MTARC2: variants seen among roughly 807,000 people sequenced by gnomAD.
MTARC2 encodes MOCO sulphurase C-terminal domain containing 2.
A neutral mutation model predicts 35.6 loss-of-function variants in MTARC2; 27 were observed. The observed-to-expected ratio is 0.76, with a 90% CI of 0.56 to 1.04. MTARC2 has a LOEUF of 1.04. Ranked by LOEUF, MTARC2 falls within the 50% of genes least tolerant of loss-of-function variation. The pLI is 0.00. For missense variants in MTARC2, 412 were observed against 432.5 expected, an observed-to-expected ratio of 0.95 and a Z score of 0.42; for synonymous variants, 158 against 167.1, an observed-to-expected ratio of 0.95 and a Z score of 0.42.
chr1:220,778,730 CAG>C (rs768872600), intron 4 of MTARC2, among the ~76,000 whole-genome samples: 1 of 152,144 alleles, frequency 6.6e-6, no homozygotes, highest in Non-Finnish European at 1.5e-5. Flanking sequence ...ACTTGAAAAA[CAG>C]AGGTGCAAGA....
At chr1:220,781,203 T>C (rs1373375949) in intron 6 of MTARC2, among the ~76,000 whole-genome samples, 1 of 152,182 alleles carries the variant, frequency 6.6e-6, no homozygotes, top group Non-Finnish European at 1.5e-5. Context: ...TTCTATTTTG[T>C]TTTTGATTTT....
chr1:220,748,488 G>A lies in MTARC2; in HGVS notation c.-44G>A, dbSNP rs529763488. The A allele has an allele frequency of 4.4e-4, 600 of 1,351,716 alleles. 4 individuals are homozygous for A. In the African/African-American group the frequency reaches 8.1e-3, roughly 18 times the overall value. 83.7% of individuals were successfully genotyped at this position (1,351,716 alleles called of 1,614,324 possible). On this transcript the variant is annotated 5_prime_UTR_variant, in exon 1 of 8. Transcript: ENST00000366913. ...CTCCTCGTCCTCCCGGTCTCCGGTCGCTGCCGGGTCTGTGCGCCGGTCCGC... is the reference window on the plus strand; with the variant it reads ...CTCCTCGTCCTCCCGGTCTCCGGTCACTGCCGGGTCTGTGCGCCGGTCCGC...
rs570096335 is a variant in MTARC2, at chr1:220,758,914, C to T, written c.447-2744C>T. Among the ~76,000 whole-genome samples the T allele has an allele frequency of 3.9e-5, 6 of 152,022 alleles. No homozygotes were observed. In the South Asian group the frequency reaches 1.2e-3, roughly 32 times the overall value. ...AAGAGGACCTGGTATACAGTAAGCA[C>T]TTAACTGGATATTAGGTCTTAAATA... On this transcript the variant is annotated intron_variant, in intron 2 of 7. Transcript: ENST00000366913.
At chr1:220,775,114 G>A (rs1239692699) in intron 4 of MTARC2, among the ~76,000 whole-genome samples, 1 of 152,146 alleles carries the variant, frequency 6.6e-6, no homozygotes. Flanking sequence ...GTTTCAAACA[G>A]ACAAACACCC....
intron 4 of MTARC2, among the ~76,000 whole-genome samples, chr1:220,773,411 C>G (rs12034691): frequency 0.024 from 3,612 of 152,330 alleles, 107 homozygotes; most frequent in African/African-American, 0.064. Context: ...CTGTTCCTGA[C>G]TTGCGTCCTT....
chr1:220,748,459 G>A lies in MTARC2; in HGVS notation c.-73G>A, dbSNP rs978377972. On this transcript the variant is annotated 5_prime_UTR_variant, in exon 1 of 8. Transcript: ENST00000366913. ...TCCTCTCGCCTGCCCGGATCCTTAA[G>A]GGCCTCCTCGTCCTCCCGGTCTCCG... 7.6e-7 allele frequency: 1 copy of A among 1,321,332 alleles called. No individual in the cohort carries two copies. Among genetic ancestry groups the A allele is most frequent in the Non-Finnish European group, 9.6e-7 (1 of 1,039,698 alleles). The allele number at this position is 1,321,332 out of a possible 1,614,324, so 81.9% of individuals were successfully genotyped here.
chr1:220,781,319 A>G lies in MTARC2; in HGVS notation c.885-459A>G, dbSNP rs72472402. On this transcript the variant is annotated intron_variant, in intron 6 of 7. Transcript: ENST00000366913. ...TGCAGTAGTCCAGACCCATCTGCCA[A>G]CTTCATGTCTGTCTGAATTTTTGTT... is the stretch of plus-strand genomic sequence containing the variant. Among the ~76,000 whole-genome samples the G allele has an allele frequency of 7.5e-3, 1,149 of 152,296 alleles. 19 individuals are homozygous for G. Among genetic ancestry groups the G allele is most frequent in the African/African-American group, 0.027 (1,105 of 41,550 alleles).
At position 220,761,515 on chromosome 1, in the gene MTARC2, C is replaced by T. The variant is rs1401169843; in HGVS notation, c.447-143C>T. ...GCACACTCTACTCCTTTCTCTTGCA[C>T]TTCTGCCCAGCTTTGACCCAGGGAC... On this transcript the variant is annotated intron_variant, in intron 2 of 7. Transcript: ENST00000366913. 3.0e-5 allele frequency: 21 copies of T among 697,766 alleles called. No homozygotes were observed. The South Asian group carries it at 4.4e-4, about 14-fold the overall frequency. The allele number at this position is 697,766 out of a possible 1,614,324, so 43.2% of individuals were successfully genotyped here. A position where few individuals can be genotyped will look rare whatever the true frequency, so the allele number is the denominator to read the frequency against.
intron 4 of MTARC2, 107 bp downstream of exon 4, chr1:220,763,157 T>TTCACTCATTGCTGCTGCCA (rs1213283134): frequency 9.9e-5 from 145 of 1,462,536 alleles, no homozygotes; most frequent in Admixed American, 1.6e-4. Flanking sequence ...GGTCCAGTCA[T>TTCACTCATTGCTGCTGCCA]TCACTCATTG....
chr1:220,769,188 G>T (rs1015673260), intron 4 of MTARC2, among the ~76,000 whole-genome samples: 12 of 152,232 alleles, frequency 7.9e-5, no homozygotes, highest in African/African-American at 2.4e-4. Context: ...GTGAAAGATG[G>T]CGCAGCCAAG....
chr1:220,779,519 G>C (rs1672006944), intron 4 of MTARC2, among the ~76,000 whole-genome samples: 1 of 152,230 alleles, frequency 6.6e-6, no homozygotes, highest in Admixed American at 6.5e-5. Flanking sequence ...GCAAGGCACA[G>C]TCAGTGGCAG....
intron 7 of MTARC2, among the ~76,000 whole-genome samples, chr1:220,782,713 C>T (rs934556015): frequency 4.6e-5 from 7 of 152,170 alleles, no homozygotes; most frequent in Non-Finnish European, 5.9e-5. Flanking sequence ...CAACCTGACC[C>T]TCCTTAAGGA....
chr1:220,749,934 TC>T (rs1237041679), intron 1 of MTARC2, among the ~76,000 whole-genome samples: 1 of 152,148 alleles, frequency 6.6e-6, no homozygotes, highest in Non-Finnish European at 1.5e-5. Flanking sequence ...TTGGAAAACT[TC>T]AGAGAGTCTT....
intron 2 of MTARC2, among the ~76,000 whole-genome samples, chr1:220,761,269 G>T (rs1039806122): frequency 1.3e-5 from 2 of 152,218 alleles, no homozygotes; most frequent in Non-Finnish European, 2.9e-5. Flanking sequence ...AGGTCTGTTG[G>T]ATTCTAAGCT....
intron 2 of MTARC2, chr1:220,756,160 C>G (rs1671275801): frequency 6.6e-6 from 1 of 152,232 alleles, no homozygotes; most frequent in Admixed American, 6.5e-5. Flanking sequence ...TTGTCAAGTT[C>G]CGTGGTTTGC....
At chr1:220,776,935 G>A (rs1056834190) in intron 4 of MTARC2, among the ~76,000 whole-genome samples, 2 of 152,168 alleles carry the variant, frequency 1.3e-5, no homozygotes, top group Non-Finnish European at 2.9e-5. Context: ...TCTCAGGCCA[G>A]GGTACCCATT....
intron 1 of MTARC2, among the ~76,000 whole-genome samples, chr1:220,754,601 C>T (rs368983698): frequency 6.6e-6 from 1 of 152,066 alleles, no homozygotes; most frequent in South Asian, 2.1e-4. Flanking sequence ...TTTAACAGAC[C>T]TGCAGAAGCT....
chr1:220,754,582 A>G (rs1671225094), intron 1 of MTARC2: 1 of 389,628 alleles, frequency 2.6e-6, no homozygotes, highest in Non-Finnish European at 5.0e-6. Flanking sequence ...CCAGGGCCAC[A>G]GAGACATATT....
chr1:220,772,224 T>C (rs780811335), intron 4 of MTARC2, among the ~76,000 whole-genome samples: 29 of 152,218 alleles, frequency 1.9e-4, no homozygotes, highest in African/African-American at 7.0e-4. Flanking sequence ...ATGGTGGGTA[T>C]CTACATTTCC....
Sources: gnomAD v4.1 joint callset for allele counts (sites outside exome capture counted in the v4.1 genomes callset) on GRCh38, gnomAD v4.1.1 for gene constraint, MANE v1.5 for transcripts, NCBI Gene and HGNC (gene_info 2026-07-23, HGNC 2026-07-21) for gene names.